Variants in PDE1A observed in about 807,000 individuals in gnomAD.
PDE1A encodes the protein dual specificity calcium/calmodulin-dependent 3',5'-cyclic nucleotide phosphodiesterase 1A.
Under a neutral mutation model 61.7 loss-of-function variants are expected in PDE1A, and 35 were observed. That is an observed-to-expected ratio of 0.57 (90% CI 0.43 to 0.75). PDE1A has a LOEUF of 0.75. Ranked by LOEUF, PDE1A falls within the 30% of genes least tolerant of loss-of-function variation. The pLI is 0.00. For synonymous variants in PDE1A, 232 were observed against 213.2 expected (o/e 1.09, Z -0.77); for missense variants, 597 against 630.6 (o/e 0.95, Z 0.57).
chr2:182,345,159 G>A (rs1698443701), intron 1 of PDE1A, among the ~76,000 whole-genome samples: 1 of 151,966 alleles, frequency 6.6e-6, no homozygotes, highest in South Asian at 2.1e-4. Flanking sequence ...TTAGCCTAAA[G>A]CTCTCTATCC....
the PDE1A span, among the ~76,000 whole-genome samples, chr2:182,692,790 T>C: frequency 6.6e-6 from 1 of 151,692 alleles, no homozygotes; most frequent in African/African-American, 2.4e-5. Flanking sequence ...GAACCTTTCC[T>C]AGTTCTTACA....
At chr2:182,389,986 A>G (rs758880340) in intron 1 of PDE1A, among the ~76,000 whole-genome samples, 1 of 152,138 alleles carries the variant, frequency 6.6e-6, no homozygotes, top group Non-Finnish European at 1.5e-5. Flanking sequence ...TCAGCCACAG[A>G]CTGAAGGCTG....
At chr2:182,660,644 G>A in the PDE1A span, among the ~76,000 whole-genome samples, 1 of 152,222 alleles carries the variant, frequency 6.6e-6, no homozygotes, top group Non-Finnish European at 1.5e-5. Context: ...CTGTAGCCAT[G>A]TTGCAAGCTG....
chr2:182,527,462 G>A (rs1690796736), upstream of PDE1A, among the ~76,000 whole-genome samples: 2 of 148,498 alleles, frequency 1.3e-5, no homozygotes, highest in South Asian at 4.3e-4. Flanking sequence ...GGGGGCTGAG[G>A]TGGGAGGATC....
At chr2:182,209,680 GC>G (rs1687416128) in intron 7 of PDE1A, among the ~76,000 whole-genome samples, 1 of 151,774 alleles carries the variant, frequency 6.6e-6, no homozygotes, top group African/African-American at 2.4e-5. Context: ...AGATCTGGTT[GC>G]TGAAAAGTGT....
intron 2 of PDE1A, among the ~76,000 whole-genome samples, chr2:182,256,340 G>A (rs1691812359): frequency 6.7e-6 from 1 of 148,574 alleles, no homozygotes; most frequent in South Asian, 2.2e-4. Flanking sequence ...GCGGTGTTTG[G>A]TTTTTTGTTC....
chr2:182,280,472 A>C (rs912699481), intron 1 of PDE1A, among the ~76,000 whole-genome samples: 19 of 151,974 alleles, frequency 1.3e-4, no homozygotes, highest in Non-Finnish European at 2.5e-4. Flanking sequence ...TATGTGACAT[A>C]AATCACTGAG....
intron 2 of PDE1A, among the ~76,000 whole-genome samples, chr2:182,440,459 C>T (rs991427361): frequency 1.3e-5 from 2 of 152,080 alleles, no homozygotes; most frequent in Non-Finnish European, 2.9e-5. Flanking sequence ...AATCATACCA[C>T]ATAGCTGTCT....
chr2:182,397,091 A>C (rs577773953), intron 1 of PDE1A, among the ~76,000 whole-genome samples: 5 of 152,316 alleles, frequency 3.3e-5, no homozygotes, highest in African/African-American at 1.2e-4. Context: ...AATGTCAAAT[A>C]TAGGCCTCAC....
chr2:182,318,829 C>A (rs900308855), intron 1 of PDE1A, among the ~76,000 whole-genome samples: 1 of 152,106 alleles, frequency 6.6e-6, no homozygotes, highest in Non-Finnish European at 1.5e-5. Flanking sequence ...ATGAGCTCTT[C>A]TTTATTCCTT....
At chr2:182,402,432 C>A (rs1702060535) in intron 1 of PDE1A, among the ~76,000 whole-genome samples, 1 of 152,152 alleles carries the variant, frequency 6.6e-6, no homozygotes, top group Non-Finnish European at 1.5e-5. Flanking sequence ...GGAAATGATT[C>A]CCTGTTTAAT....
At chr2:182,566,137 T>C in the PDE1A span, among the ~76,000 whole-genome samples, 19 of 152,084 alleles carry the variant, frequency 1.2e-4, no homozygotes, top group African/African-American at 3.9e-4. Flanking sequence ...TTACTTGTTT[T>C]CACATAGGCC....
intron 2 of PDE1A, among the ~76,000 whole-genome samples, chr2:182,256,528 CT>C (rs1183647084): frequency 6.6e-6 from 1 of 151,924 alleles, no homozygotes; most frequent in Non-Finnish European, 1.5e-5. Context: ...ATCCAAAGGA[CT>C]ATAAATCATG....
chr2:182,550,241 T>C, the PDE1A span, among the ~76,000 whole-genome samples: 11 of 152,214 alleles, frequency 7.2e-5, no homozygotes, highest in Non-Finnish European at 1.3e-4. Flanking sequence ...CAAAAATTCC[T>C]TGAACTCTAA....
intron 1 of PDE1A, among the ~76,000 whole-genome samples, chr2:182,279,706 T>C (rs1477426593): frequency 6.6e-6 from 1 of 151,956 alleles, no homozygotes; most frequent in African/African-American, 2.4e-5. Flanking sequence ...TACAAATACA[T>C]ATAGTTTTAT....
At chr2:182,644,854 A>G in the PDE1A span, among the ~76,000 whole-genome samples, 1 of 152,238 alleles carries the variant, frequency 6.6e-6, no homozygotes, top group Non-Finnish European at 1.5e-5. Flanking sequence ...AGTCTGGAAA[A>G]AAAACCATAA....
the PDE1A span, among the ~76,000 whole-genome samples, chr2:182,539,112 T>C: frequency 1.3e-5 from 2 of 152,212 alleles, no homozygotes; most frequent in Non-Finnish European, 2.9e-5. Context: ...CCAGCCACAC[T>C]GGCCTTTTTT....
At chr2:182,476,147 T>C (rs953388565) in intron 2 of PDE1A, among the ~76,000 whole-genome samples, 5 of 151,944 alleles carry the variant, frequency 3.3e-5, no homozygotes, top group Admixed American at 6.6e-5. Context: ...AATAAATATG[T>C]ATGTTCTGTA....
chr2:182,627,438 A>ATT, the PDE1A span, among the ~76,000 whole-genome samples: 5 of 135,296 alleles, frequency 3.7e-5, no homozygotes, highest in Admixed American at 8.7e-5. Flanking sequence ...AAATATATAT[A>ATT]TATAAAATCT....
Sources: allele counts gnomAD v4.1 joint callset (sites outside exome capture counted in the v4.1 genomes callset), GRCh38; gene constraint gnomAD v4.1.1; transcripts MANE v1.5; gene names NCBI Gene and HGNC (gene_info 2026-07-23, HGNC 2026-07-21).